Variants in RNF157 observed in about 807,000 individuals in gnomAD.
RNF157 encodes ring finger protein 157, also known as E3 ubiquitin ligase RNF157.
RNF157 carries 55 observed loss-of-function variants against 88.3 expected under a neutral mutation model. That is an observed-to-expected ratio of 0.62 (90% CI 0.50 to 0.78). The LOEUF is 0.78. Among genes scored for constraint, RNF157 ranks in the 30% least tolerant of loss-of-function variants. The pLI, the probability that RNF157 is intolerant of heterozygous loss-of-function variation, is 0.00. For missense variants in RNF157, 788 were observed against 860.8 expected (o/e 0.92, Z 1.06); for synonymous variants, 334 against 341.2 (o/e 0.98, Z 0.23).
At chr17:76,204,959 A>T (rs1332914003) in intron 2 of RNF157, among the ~76,000 whole-genome samples, 17 of 150,830 alleles carry the variant, frequency 1.1e-4, no homozygotes, top group Non-Finnish European at 2.5e-4. Context: ...TAATTTTTGT[A>T]TTTTTAGTAG....
At chr17:76,169,818 T>C (rs2068986988) in intron 3 of RNF157, among the ~76,000 whole-genome samples, 2 of 152,142 alleles carry the variant, frequency 1.3e-5, no homozygotes, top group East Asian at 1.9e-4. Context: ...TGACCTCAAG[T>C]GATCCACCCG....
At chr17:76,178,380 G>C (rs2069137750) in intron 2 of RNF157, among the ~76,000 whole-genome samples, 1 of 152,250 alleles carries the variant, frequency 6.6e-6, no homozygotes, top group South Asian at 2.1e-4. Flanking sequence ...CTGGCACCTG[G>C]GGCTGCCAGC....
At chr17:76,200,065 G>A (rs1203345729) in intron 2 of RNF157, among the ~76,000 whole-genome samples, 1 of 151,596 alleles carries the variant, frequency 6.6e-6, no homozygotes, top group Middle Eastern at 3.2e-3. Context: ...GTGAAACCCC[G>A]TCTCTATTAA....
chr17:76,233,534 ATCCAT>A (rs1568081548), intron 1 of RNF157, among the ~76,000 whole-genome samples: 1 of 151,824 alleles, frequency 6.6e-6, no homozygotes, highest in East Asian at 1.9e-4. Flanking sequence ...TATGTCTATG[ATCCAT>A]TTTTATTTTT....
Position 76,167,099 on chromosome 17 carries a change from C to T in RNF157, c.471G>A (p.Gln157=). The part of the protein sequence containing the change: ...ASYIPKDNSL[Q]SETVQYKRGV... The stretch of plus-strand genomic sequence containing the variant: ...CTCGCTTGTACTGCACAGTCTCCGA[C>T]TGGAGGCTGTTGTCTTTGGGAATGT... Residue 157 remains glutamine (Q), a synonymous_variant, in exon 5 of 19, where the codon CAG becomes CAA. Coordinates refer to ENST00000269391, the MANE Select transcript of RNF157 (RefSeq NM_052916.3). 6.2e-7 allele frequency: 1 copy of T among 1,612,560 alleles called. No individual in the cohort carries two copies. The highest frequency in any genetic ancestry group is 2.2e-5 in the East Asian group (1 of 44,810).
rs781147449 is a variant in RNF157 at position 76,158,481 on chromosome 17, G to A, written c.1325C>T (p.Ser442Phe). 1 of 1,613,656 alleles carries A rather than the reference G, an allele frequency of 6.2e-7. No homozygotes were observed. Among genetic ancestry groups the A allele is most frequent in the South Asian group, 1.1e-5 (1 of 91,088 alleles). ...SLSKSTSQNS[S>F]VLHEEEDEHS... Reference sequence around the variant, plus strand: ...CTCATCTTCCTCTTCATGCAGCACGGAAGAGTTTTGGGAAGTGGATCTGTA... The same window carrying A: ...CTCATCTTCCTCTTCATGCAGCACGAAAGAGTTTTGGGAAGTGGATCTGTA... The change falls in exon 13 of 19, where the codon TCC (serine) becomes TTC (phenylalanine). Residue 442 changes from serine to phenylalanine, a missense_variant. By Grantham distance (155) the Ser-to-Phe change is radical. Transcript: ENST00000269391.
intron 2 of RNF157, among the ~76,000 whole-genome samples, chr17:76,185,483 T>TTTTTTTTTTTTTTTTTTTTTTA (rs2069267594): frequency 6.7e-6 from 1 of 149,192 alleles, no homozygotes; most frequent in Admixed American, 6.6e-5. Context: ...TTCTTTTTTT[T>TTTTTTTTTTTTTTTTTTTTTTA]TTTTGAGACG....
intron 2 of RNF157, among the ~76,000 whole-genome samples, chr17:76,178,326 T>C: frequency 6.6e-6 from 1 of 152,196 alleles, no homozygotes; most frequent in East Asian, 1.9e-4. Flanking sequence ...CTGCTTGCAG[T>C]GCACCTGGTC....
At chr17:76,171,047 C>G (rs1211682403) in intron 3 of RNF157, among the ~76,000 whole-genome samples, 1 of 151,982 alleles carries the variant, frequency 6.6e-6, no homozygotes, top group African/African-American at 2.4e-5. Flanking sequence ...TGCCTGCCAC[C>G]ATGCCCGGCT....
chr17:76,220,385 T>TA (rs34888046), intron 1 of RNF157, among the ~76,000 whole-genome samples: 1,987 of 128,694 alleles, frequency 0.015, 20 homozygotes, highest in Middle Eastern at 0.036. Context: ...TAATGATATC[T>TA]AAAAAAAAAA....
chr17:76,150,792 A>G (rs1568020710), intron 18 of RNF157, among the ~76,000 whole-genome samples: 2 of 152,190 alleles, frequency 1.3e-5, no homozygotes, highest in African/African-American at 4.8e-5. Flanking sequence ...GCCCTTGCCA[A>G]TTAGGAATGG....
Position 76,237,724 on chromosome 17 carries a change from G to A in RNF157, c.88+2429C>T, listed in dbSNP as rs372436777. ...AGTGAAATGAATGGGAGGCCAAGGCGGGAGGATTGCTTGAGACCACGAGTT... is the reference window on the plus strand; with the variant it reads ...AGTGAAATGAATGGGAGGCCAAGGCAGGAGGATTGCTTGAGACCACGAGTT... On this transcript the variant is annotated intron_variant, in intron 1 of 18. Coordinates refer to ENST00000269391, the MANE Select transcript of RNF157 (RefSeq NM_052916.3). Among the ~76,000 whole-genome samples the A allele has an allele frequency of 2.3e-4, 35 of 152,218 alleles. No individual in the cohort carries two copies. In the East Asian group the frequency reaches 6.0e-3, roughly 26 times the overall value.
At chr17:76,167,903 G>T in intron 3 of RNF157, 106 bp from the exon 4 acceptor site, 1 of 1,078,060 alleles carries the variant, frequency 9.3e-7, no homozygotes, top group Non-Finnish European at 1.4e-6. Flanking sequence ...ATGATCATAA[G>T]CATAGGTCTA....
chr17:76,146,187 C>T lies in RNF157; in HGVS notation c.1922-834G>A, dbSNP rs1025880594. The T allele has an allele frequency of 4.7e-6, 1 of 212,734 alleles. No individual in the cohort carries two copies. Among genetic ancestry groups the T allele is most frequent in the Non-Finnish European group, 8.1e-6 (1 of 123,624 alleles). 13.2% of individuals were successfully genotyped at this position (212,734 alleles called of 1,614,324 possible). A position where few individuals can be genotyped will look rare whatever the true frequency, so the allele number is the denominator to read the frequency against. On this transcript the variant is annotated intron_variant, in intron 18 of 18. Coordinates refer to ENST00000269391, the MANE Select transcript of RNF157 (RefSeq NM_052916.3). This position sits in a 1 kb window ranked among gnomAD's most constrained non-coding sequence, Gnocchi z 4.2. ...CGTGTTGTGACTCCATCTGTAGTCACGCTAACCTGGGCTCCACTCCCAGTT... is the reference window on the plus strand; with the variant it reads ...CGTGTTGTGACTCCATCTGTAGTCATGCTAACCTGGGCTCCACTCCCAGTT...
intron 2 of RNF157, among the ~76,000 whole-genome samples, chr17:76,186,612 G>A (rs2069293356): frequency 6.6e-6 from 1 of 152,076 alleles, no homozygotes; most frequent in Non-Finnish European, 1.5e-5. Flanking sequence ...TTCCTGGAAG[G>A]AAAATATGCT....
Position 76,167,651 on chromosome 17 carries a change from C to A in RNF157, c.443G>T (p.Ser148Ile). The change falls in exon 4 of 19, where the codon AGC (serine) becomes ATC (isoleucine). Residue 148 changes from serine (S) to isoleucine (I), a missense_variant and splice_region_variant. Physicochemically the swap from Ser to Ile is moderately radical, Grantham distance 142 (BLOSUM62 -2). Transcript: ENST00000269391. ...GGCTCTCCTGGTCTCCTGATCTTAC[C>A]TGGCAATACCATTCTGGAACTCTTC... ...ATEEFQNGIASYIPKDNSLQS... is the reference protein window; with the variant it reads ...ATEEFQNGIAIYIPKDNSLQS... The A allele has an allele frequency of 6.2e-7, 1 of 1,613,802 alleles. No individual in the cohort carries two copies. Among genetic ancestry groups the A allele is most frequent in the South Asian group, 1.1e-5 (1 of 91,046 alleles).
intron 18 of RNF157, chr17:76,145,588 C>T (rs2068572829): frequency 2.2e-6 from 1 of 445,398 alleles, no homozygotes; most frequent in Admixed American, 4.2e-5. Context: ...CACTGTGGCT[C>T]CCGGACAGGG....
chr17:76,167,847 A>C, intron 3 of RNF157, 50 bp from the exon 4 acceptor site: 1 of 1,560,162 alleles, frequency 6.4e-7, no homozygotes, highest in Non-Finnish European at 8.7e-7. Context: ...CAATATTTTA[A>C]AATTTACCTT....
At position 76,145,325 on chromosome 17, in the gene RNF157, G is replaced by C; in HGVS notation, c.1950C>G (p.Val650=). Residue 650 remains valine (V), a synonymous_variant, in exon 19 of 19, where the codon GTC becomes GTG. Coordinates refer to ENST00000269391, the MANE Select transcript of RNF157 (RefSeq NM_052916.3). ...AGCGCCGGCGCTGGGCATTCCGACTGACGGCATTGTCATCAGCCTGCCAGG... is the reference window on the plus strand; with the variant it reads ...AGCGCCGGCGCTGGGCATTCCGACTCACGGCATTGTCATCAGCCTGCCAGG... The part of the protein sequence containing the change: ...PGAWQADDNA[V]SRNAQRRRLS... 6.2e-7 allele frequency: 1 copy of C among 1,613,024 alleles called. No homozygotes were observed. Among genetic ancestry groups the C allele is most frequent in the Non-Finnish European group, 8.5e-7 (1 of 1,179,654 alleles).
Sources: gnomAD v4.1 joint callset for allele counts (sites outside exome capture counted in the v4.1 genomes callset) on GRCh38, gnomAD v4.1.1 for gene constraint, Gnocchi (gnomAD v3.1) non-coding constraint, MANE v1.5 for transcripts, NCBI Gene and HGNC (gene_info 2026-07-23, HGNC 2026-07-21) for gene names.